DOCK8: variants seen among roughly 807,000 people sequenced by gnomAD.
DOCK8 encodes the protein dedicator of cytokinesis 8.
DOCK8 carries 141 observed loss-of-function variants against 245.6 expected under a neutral mutation model. That is an observed-to-expected ratio of 0.57 (90% CI 0.50 to 0.66). DOCK8 has a LOEUF of 0.66. Among genes scored for constraint, DOCK8 ranks in the 30% least tolerant of loss-of-function variants. The pLI, the probability that DOCK8 is intolerant of heterozygous loss-of-function variation, is 0.00. For synonymous variants in DOCK8, 1,168 were observed against 970.2 expected, an observed-to-expected ratio of 1.20 and a Z score of -3.79; for missense variants, 2,965 against 2,603.4, an observed-to-expected ratio of 1.14 and a Z score of -3.02.
intron 14 of DOCK8, among the ~76,000 whole-genome samples, chr9:360,991 C>G (rs562675697): frequency 5.6e-4 from 85 of 152,182 alleles, no homozygotes; most frequent in Non-Finnish European, 1.0e-3. Flanking sequence ...AAGATTTCAC[C>G]TCTACAAAAA....
At chr9:375,153 G>C (rs565632584) in intron 18 of DOCK8, among the ~76,000 whole-genome samples, 1 of 152,244 alleles carries the variant, frequency 6.6e-6, no homozygotes, top group East Asian at 1.9e-4. Context: ...GTGTAGGCTA[G>C]AGCCCACTTT....
intron 14 of DOCK8, among the ~76,000 whole-genome samples, chr9:351,018 T>C (rs141530874): frequency 1.5e-4 from 23 of 152,296 alleles, no homozygotes; most frequent in East Asian, 1.2e-3. Context: ...ATGAGGCCGA[T>C]TGACAATTAG....
At chr9:462,367 A>G (rs2057831637) in intron 46 of DOCK8, among the ~76,000 whole-genome samples, 1 of 152,198 alleles carries the variant, frequency 6.6e-6, no homozygotes, top group Non-Finnish European at 1.5e-5. Flanking sequence ...TCCATTTCTC[A>G]ATATGACTTT....
At position 370,262 on chromosome 9, in the gene DOCK8, T is replaced by C; in HGVS notation, c.1830T>C (p.Phe610=). ...TTGGAAAATCCAGCGGGCCTGAATT[T>C]CTGCAGGAAGTGTACACAGCTGTTA... ...VIFGKSSGPE[F]LQEVYTAVTY... The change falls in exon 16 of 48, where the codon TTT becomes TTC. Residue 610 remains phenylalanine, a synonymous_variant. Coordinates refer to ENST00000432829, the MANE Select transcript of DOCK8 (RefSeq NM_203447.4). The C allele has an allele frequency of 6.2e-7, 1 of 1,614,144 alleles. No individual in the cohort carries two copies. Among genetic ancestry groups the C allele is most frequent in the Non-Finnish European group, 8.5e-7 (1 of 1,179,960 alleles).
chr9:412,214 A>C (rs2055763919), intron 28 of DOCK8, among the ~76,000 whole-genome samples: 1 of 152,114 alleles, frequency 6.6e-6, no homozygotes, highest in African/African-American at 2.4e-5. Context: ...GAACACCCTG[A>C]GCAACATGGC....
chr9:413,625 A>T (rs2131594647), intron 28 of DOCK8, among the ~76,000 whole-genome samples: 1 of 152,372 alleles, frequency 6.6e-6, no homozygotes, highest in South Asian at 2.1e-4. Flanking sequence ...TCTCCAAAGA[A>T]GATACAGCCA....
intron 4 of DOCK8, among the ~76,000 whole-genome samples, chr9:303,961 A>G (rs1193418375): frequency 1.3e-5 from 2 of 152,174 alleles, no homozygotes; most frequent in African/African-American, 2.4e-5. Context: ...GACAACTTAC[A>G]TGTTTTACCT....
chr9:345,130 C>G (rs978229460), intron 14 of DOCK8, among the ~76,000 whole-genome samples: 4 of 152,124 alleles, frequency 2.6e-5, no homozygotes, highest in Middle Eastern at 3.2e-3. Context: ...CTTCTCATTC[C>G]AAGAGTCTGT....
intron 1 of DOCK8, among the ~76,000 whole-genome samples, chr9:258,200 T>G (rs1208192026): frequency 6.6e-6 from 1 of 152,220 alleles, no homozygotes; most frequent in Non-Finnish European, 1.5e-5. Flanking sequence ...TGCAATCAGC[T>G]TGAATAGCAG....
intron 43 of DOCK8, among the ~76,000 whole-genome samples, chr9:445,762 T>C (rs1357427730): frequency 2.6e-5 from 4 of 152,226 alleles, no homozygotes; most frequent in Non-Finnish European, 5.9e-5. Flanking sequence ...ATAAAGTTGC[T>C]GGAGACATTT....
intron 14 of DOCK8, among the ~76,000 whole-genome samples, chr9:350,979 A>G (rs932234853): frequency 2.0e-5 from 3 of 152,182 alleles, no homozygotes; most frequent in Non-Finnish European, 4.4e-5. Flanking sequence ...CACTCAGGAA[A>G]TGCTCTTTGG....
intron 29 of DOCK8, among the ~76,000 whole-genome samples, chr9:415,558 A>G (rs1443764622): frequency 1.3e-5 from 2 of 152,226 alleles, no homozygotes; most frequent in Non-Finnish European, 2.9e-5. Context: ...TTTACAAATT[A>G]CATTGTGGAT....
In DOCK8 at chr9:398,865, A is replaced by G. The variant is rs67826312; in HGVS notation, c.3121-281A>G. Among the ~76,000 whole-genome samples, 64,618 of 151,890 alleles carry G rather than the reference A, an allele frequency of 0.43. 17,675 individuals are homozygous for G. The highest frequency in any genetic ancestry group is 0.78 in the African/African-American group (32,448 of 41,412). On this transcript the variant is annotated intron_variant, in intron 25 of 47. Transcript: ENST00000432829. ...AAAAAAGTAGGATCCAACATAGTATATAGAGAATGAGGTTAATTATACACA... is the reference window on the plus strand; with the variant it reads ...AAAAAAGTAGGATCCAACATAGTATGTAGAGAATGAGGTTAATTATACACA...
chr9:462,487 T>C (rs2057836153), intron 46 of DOCK8, among the ~76,000 whole-genome samples: 1 of 152,240 alleles, frequency 6.6e-6, no homozygotes, highest in African/African-American at 2.4e-5. Context: ...TTTTCAAGGC[T>C]CTGGACGATA....
At chr9:395,066 C>T (rs1439336538) in intron 24 of DOCK8, among the ~76,000 whole-genome samples, 1 of 152,156 alleles carries the variant, frequency 6.6e-6, no homozygotes, top group Non-Finnish European at 1.5e-5. Flanking sequence ...TTCTTAAGTC[C>T]TTTGTTAGGA....
chr9:406,828 G>A (rs986911597), intron 27 of DOCK8, 102 bp from the exon 28 acceptor site: 3 of 1,488,632 alleles, frequency 2.0e-6, no homozygotes, highest in East Asian at 4.5e-5. Context: ...ACTGGGGAGG[G>A]CTCACGAAGC....
At chr9:322,872 C>T (rs540429239) in intron 7 of DOCK8, among the ~76,000 whole-genome samples, 1 of 152,212 alleles carries the variant, frequency 6.6e-6, no homozygotes, top group East Asian at 1.9e-4. Context: ...GCAGGTGAGT[C>T]ACCTGAGCTC....
At chr9:266,740 A>G (rs1238619235) in intron 1 of DOCK8, among the ~76,000 whole-genome samples, 1 of 152,180 alleles carries the variant, frequency 6.6e-6, no homozygotes, top group Non-Finnish European at 1.5e-5. Flanking sequence ...CCTTAGTCAC[A>G]ATGGGTATTG....
chr9:287,646 C>A (rs752821763), intron 3 of DOCK8, among the ~76,000 whole-genome samples: 1 of 152,212 alleles, frequency 6.6e-6, no homozygotes, highest in Non-Finnish European at 1.5e-5. Context: ...CATAGGAGAA[C>A]TGACCATATG....
Sources: allele counts gnomAD v4.1 joint callset (sites outside exome capture counted in the v4.1 genomes callset), GRCh38; gene constraint gnomAD v4.1.1; transcripts MANE v1.5; gene names NCBI Gene and HGNC (gene_info 2026-07-23, HGNC 2026-07-21).